Variants in SPATA6L observed in about 807,000 individuals in gnomAD.
SPATA6L encodes the protein spermatogenesis associated 6 like.
Under a neutral mutation model 49.2 loss-of-function variants are expected in SPATA6L, and 68 were observed. That is an observed-to-expected ratio of 1.38 (90% CI 1.14 to 1.69). The LOEUF (loss-of-function observed/expected upper bound fraction) is 1.69, where lower values mean the gene tolerates loss of function less well. SPATA6L is among the 40% of genes most tolerant of loss of function. The pLI, the probability that SPATA6L is intolerant of heterozygous loss-of-function variation, is 0.00. For missense variants in SPATA6L, 668 were observed against 464.3 expected (o/e 1.44, Z -4.03); for synonymous variants, 198 against 165.7 (o/e 1.19, Z -1.50).
In SPATA6L at chr9:4,641,901, G is replaced by A. The variant is rs28469369; in HGVS notation, c.227-6502C>T. ...GACCTCCCCAGCCTCCCAAGTAGCT[G>A]GGACTACAGGCATGCACCAGCACAC... On this transcript the variant is annotated intron_variant, in intron 3 of 11. Transcript: ENST00000682582. Among the ~76,000 whole-genome samples the A allele has an allele frequency of 7.3e-3, 1,112 of 152,246 alleles. 13 individuals are homozygous for A. Among genetic ancestry groups the A allele is most frequent in the African/African-American group, 0.025 (1,048 of 41,530 alleles).
At chr9:4,629,790 T>G (rs957408373) in intron 4 of SPATA6L, among the ~76,000 whole-genome samples, 2 of 146,098 alleles carry the variant, frequency 1.4e-5, no homozygotes, top group Non-Finnish European at 3.0e-5. Flanking sequence ...TATATATATA[T>G]ATATATATGC....
chr9:4,610,758 C>T (rs1051207248), intron 9 of SPATA6L, among the ~76,000 whole-genome samples: 4 of 151,456 alleles, frequency 2.6e-5, no homozygotes, highest in African/African-American at 9.7e-5. Flanking sequence ...ATGTCTAAAA[C>T]ACCAAAAGCA....
At chr9:4,594,335 G>A (rs541309271), downstream of SPATA6L, among the ~76,000 whole-genome samples, 32 of 152,194 alleles carry the variant, frequency 2.1e-4, no homozygotes, top group African/African-American at 7.2e-4. Context: ...TCAGCCTCCA[G>A]ACTAGCTGGG....
At position 4,618,437 on chromosome 9, in the gene SPATA6L, T is replaced by A. The variant is rs573007269; in HGVS notation, c.808-327A>T. 4.6e-5 allele frequency among the ~76,000 whole-genome samples: 7 copies of A among 152,280 alleles called. No individual in the cohort carries two copies. The South Asian group carries it at 1.5e-3, about 32-fold the overall frequency. ...TAACTTTAACAAAATATTTAAGCGC[T>A]ATGGCATAAGAAGCATAGTATATTC... On this transcript the variant is annotated intron_variant, in intron 8 of 11. Coordinates refer to ENST00000682582, the MANE Select transcript of SPATA6L (RefSeq NM_001353486.2).
chr9:4,663,831 C>A (rs1452555593), intron 1 of SPATA6L: 1 of 166,906 alleles, frequency 6.0e-6, no homozygotes, highest in Non-Finnish European at 1.5e-5. Context: ...TCTTGGTAAG[C>A]TTTTTTACTT....
intron 9 of SPATA6L, among the ~76,000 whole-genome samples, chr9:4,605,952 G>A (rs917062997): frequency 6.6e-6 from 1 of 152,136 alleles, no homozygotes; most frequent in Non-Finnish European, 1.5e-5. Flanking sequence ...CAGTGTGTGC[G>A]CGCACCGTGC....
At position 4,598,944 on chromosome 9, in the gene SPATA6L, T is replaced by C. The variant is rs1460406929; in HGVS notation, c.*1867A>G. ...GTTGAGTCTCCCTTATCTTCAGTGC[T>C]TGGGACTGACCAGAAGTATTTTAAA... is the stretch of plus-strand genomic sequence containing the variant. On this transcript the variant is annotated 3_prime_UTR_variant, in exon 12 of 12. Coordinates refer to ENST00000682582, the MANE Select transcript of SPATA6L (RefSeq NM_001353486.2). 1.3e-5 allele frequency among the ~76,000 whole-genome samples: 2 copies of C among 152,254 alleles called. No homozygotes were observed. The highest frequency in any genetic ancestry group is 2.9e-5 in the Non-Finnish European group (2 of 68,048).
At chr9:4,590,847 A>G (rs1193269766) in intron 13 of SPATA6L, among the ~76,000 whole-genome samples, 1 of 152,180 alleles carries the variant, frequency 6.6e-6, no homozygotes, top group African/African-American at 2.4e-5. Context: ...CCCTCCAAGA[A>G]GCTGCCTTTT....
downstream of SPATA6L, among the ~76,000 whole-genome samples, chr9:4,594,836 C>T (rs559691698): frequency 6.6e-6 from 1 of 152,202 alleles, no homozygotes; most frequent in East Asian, 1.9e-4. Flanking sequence ...TATTTACAAC[C>T]ATAAGGCCTT....
At chr9:4,611,568 T>C (rs1826723372) in intron 9 of SPATA6L, among the ~76,000 whole-genome samples, 1 of 144,752 alleles carries the variant, frequency 6.9e-6, no homozygotes, top group Non-Finnish European at 1.5e-5. Flanking sequence ...AAACACCGCA[T>C]ATTCTCACTC....
In SPATA6L at chr9:4,662,088, G is replaced by C; in HGVS notation, c.40-52C>G. ...AGGGAGAGAAAACAGACTTTGCTTT[G>C]TTTTGTTACACGGGGCTCTATTTCT... On this transcript the variant is annotated intron_variant, in intron 1 of 11. Coordinates refer to ENST00000682582, the MANE Select transcript of SPATA6L (RefSeq NM_001353486.2). The surrounding 1 kb of genome is among the most constrained non-coding windows in gnomAD (Gnocchi z 4.9). 1 of 1,598,776 alleles carries C rather than the reference G, an allele frequency of 6.3e-7. No homozygotes were observed. Among genetic ancestry groups the C allele is most frequent in the South Asian group, 1.1e-5 (1 of 89,250 alleles).
chr9:4,626,791 T>C (rs1830431840), intron 5 of SPATA6L: 3 of 236,298 alleles, frequency 1.3e-5, no homozygotes, highest in Non-Finnish European at 2.6e-5. Flanking sequence ...TGGAATACTA[T>C]GAAGCCATGA....
intron 4 of SPATA6L, among the ~76,000 whole-genome samples, chr9:4,631,651 TA>T (rs1458564026): frequency 1.3e-5 from 2 of 152,210 alleles, no homozygotes; most frequent in Admixed American, 1.3e-4. Flanking sequence ...TAAATCTAAT[TA>T]TTAATCAATT....
Position 4,662,054 on chromosome 9 carries a change from CAACA to C in SPATA6L, c.40-22_40-19del. 1 of 1,612,586 alleles carries C rather than the reference CAACA, an allele frequency of 6.2e-7. No individual in the cohort carries two copies. The highest frequency in any genetic ancestry group is 8.5e-7 in the Non-Finnish European group (1 of 1,179,266). ...CAAGAAATCTTAAAAAGAAAGAAAACAACAAACAAGGGAGAGAAAACAGACTTTG... is the reference window on the plus strand; with the variant it reads ...CAAGAAATCTTAAAAAGAAAGAAAACAACAAGGGAGAGAAAACAGACTTTG... On this transcript the variant is annotated intron_variant, in intron 1 of 11. Coordinates refer to ENST00000682582, the MANE Select transcript of SPATA6L (RefSeq NM_001353486.2). This position sits in a 1 kb window ranked among gnomAD's most constrained non-coding sequence, Gnocchi z 4.9.
At chr9:4,647,981 C>A (rs301475) in intron 3 of SPATA6L, among the ~76,000 whole-genome samples, 11 of 151,804 alleles carry the variant, frequency 7.2e-5, no homozygotes, top group South Asian at 4.2e-4. Flanking sequence ...ACTACAGGCA[C>A]GTACCACAGC....
At chr9:4,616,277 G>A (rs111845437) in intron 9 of SPATA6L, among the ~76,000 whole-genome samples, 10,745 of 151,298 alleles carry the variant, frequency 0.071, 1,276 homozygotes, top group African/African-American at 0.24. Flanking sequence ...ACCCCATCTC[G>A]AAAAAAAATA....
intron 3 of SPATA6L, among the ~76,000 whole-genome samples, chr9:4,653,067 A>G (rs1837293193): frequency 6.6e-6 from 1 of 152,212 alleles, no homozygotes; most frequent in Non-Finnish European, 1.5e-5. Flanking sequence ...GTAGTCTTGA[A>G]AAAGAAAAAC....
At chr9:4,601,182 C>T (rs1008960180) in intron 11 of SPATA6L, among the ~76,000 whole-genome samples, 7 of 152,160 alleles carry the variant, frequency 4.6e-5, no homozygotes, top group Non-Finnish European at 4.4e-5. Flanking sequence ...TTCCTTCCTT[C>T]CTTCCCTTCC....
intron 2 of SPATA6L, among the ~76,000 whole-genome samples, chr9:4,660,657 T>A (rs1364825700): frequency 6.6e-6 from 1 of 152,198 alleles, no homozygotes; most frequent in Non-Finnish European, 1.5e-5. Context: ...GAAATACCAT[T>A]TGACCCAGCC....
Sources: allele counts gnomAD v4.1 joint callset (sites outside exome capture counted in the v4.1 genomes callset), GRCh38; gene constraint gnomAD v4.1.1; non-coding constraint Gnocchi (gnomAD v3.1); transcripts MANE v1.5; gene names NCBI Gene and HGNC (gene_info 2026-07-23, HGNC 2026-07-21).